Variants in SYT1 observed in about 807,000 individuals in gnomAD.
The protein encoded by SYT1 is synaptotagmin-1.
Under a neutral mutation model 44.8 loss-of-function variants are expected in SYT1, and 8 were observed. That is an observed-to-expected ratio of 0.18 (90% CI 0.10 to 0.32). SYT1 has a LOEUF of 0.32. Among genes scored for constraint, SYT1 ranks in the 10% least tolerant of loss-of-function variants. SYT1 has a pLI of 1.00. For missense variants in SYT1, 286 were observed against 509.3 expected (o/e 0.56, Z 4.22); for synonymous variants, 154 against 188.8 (o/e 0.82, Z 1.51).
chr12:79,160,103 A>G (rs1870856888), intron 3 of SYT1, among the ~76,000 whole-genome samples: 1 of 152,150 alleles, frequency 6.6e-6, no homozygotes, highest in South Asian at 2.1e-4. Context: ...TATTTAGAAA[A>G]TAGAACTATT....
At chr12:79,163,679 C>T (rs1871085107) in intron 3 of SYT1, among the ~76,000 whole-genome samples, 1 of 152,016 alleles carries the variant, frequency 6.6e-6, no homozygotes, top group African/African-American at 2.4e-5. Context: ...GTCAGCTGAC[C>T]CTTCCTTTGG....
chr12:79,369,987 T>C (rs1288957423), intron 9 of SYT1, among the ~76,000 whole-genome samples: 1 of 152,224 alleles, frequency 6.6e-6, no homozygotes, highest in Non-Finnish European at 1.5e-5. Flanking sequence ...GTGCTATTAA[T>C]ATGGGTGGTT....
intron 1 of SYT1, among the ~76,000 whole-genome samples, chr12:78,893,370 T>G (rs1875159884): frequency 6.6e-6 from 1 of 151,820 alleles, no homozygotes. Context: ...ATTAAACTTG[T>G]CAAAAATTCA....
chr12:79,245,863 A>G (rs191767172), intron 4 of SYT1, among the ~76,000 whole-genome samples: 31 of 152,204 alleles, frequency 2.0e-4, no homozygotes, highest in African/African-American at 7.2e-4. Context: ...AAAAGAATAT[A>G]TAACAGTAGA....
chr12:79,139,543 A>C (rs1258755306), intron 3 of SYT1, among the ~76,000 whole-genome samples: 2 of 152,354 alleles, frequency 1.3e-5, no homozygotes, highest in South Asian at 2.1e-4. Flanking sequence ...CTTGAAAAAA[A>C]TACCCTATTA....
intron 9 of SYT1, among the ~76,000 whole-genome samples, chr12:79,397,772 G>T (rs1167373130): frequency 6.6e-6 from 1 of 152,160 alleles, no homozygotes; most frequent in Non-Finnish European, 1.5e-5. Flanking sequence ...ATGTGGGGAG[G>T]ATGTGATTCA....
At chr12:79,349,127 T>C (rs193050349) in intron 8 of SYT1, among the ~76,000 whole-genome samples, 1 of 100,714 alleles carries the variant, frequency 9.9e-6, no homozygotes, top group South Asian at 3.0e-4. Flanking sequence ...GGGAGGAAGG[T>C]AGGAAGGAAG....
chr12:79,339,293 A>G (rs1302984649), intron 8 of SYT1, among the ~76,000 whole-genome samples: 2 of 152,222 alleles, frequency 1.3e-5, no homozygotes, highest in Non-Finnish European at 2.9e-5. Flanking sequence ...CCAACAGTGT[A>G]AAAGTGTTCC....
intron 3 of SYT1, among the ~76,000 whole-genome samples, chr12:79,106,675 A>C (rs1878737430): frequency 1.3e-5 from 2 of 151,926 alleles, no homozygotes; most frequent in Non-Finnish European, 2.9e-5. Flanking sequence ...TCAGACCCAT[A>C]ATAGCTTCCT....
intron 3 of SYT1, among the ~76,000 whole-genome samples, chr12:79,146,097 C>G (rs569831849): frequency 3.9e-5 from 6 of 152,112 alleles, no homozygotes; most frequent in African/African-American, 1.4e-4. Flanking sequence ...GAGGGAAAAG[C>G]AAAAAGCTAA....
intron 2 of SYT1, among the ~76,000 whole-genome samples, chr12:78,996,892 T>C (rs1870414573): frequency 6.6e-6 from 1 of 152,208 alleles, no homozygotes; most frequent in African/African-American, 2.4e-5. Flanking sequence ...GGTCACTGTA[T>C]GAAGAATCTT....
intron 3 of SYT1, among the ~76,000 whole-genome samples, chr12:79,146,046 C>T (rs779849590): frequency 6.6e-5 from 10 of 152,118 alleles, no homozygotes; most frequent in Non-Finnish European, 1.3e-4. Context: ...CGTGAGCCAC[C>T]GCGCCCGGCC....
At chr12:79,255,126 A>G (rs987806476) in intron 4 of SYT1, among the ~76,000 whole-genome samples, 2 of 152,212 alleles carry the variant, frequency 1.3e-5, no homozygotes, top group African/African-American at 4.8e-5. Flanking sequence ...GGCTGCAGAG[A>G]AAGCTTTCAT....
intron 1 of SYT1, among the ~76,000 whole-genome samples, chr12:78,955,933 C>T (rs1281936801): frequency 6.6e-6 from 1 of 151,430 alleles, no homozygotes; most frequent in Non-Finnish European, 1.5e-5. Flanking sequence ...AGTTCAAACT[C>T]GTAGTTTAAT....
At chr12:79,137,652 A>G (rs1244278554) in intron 3 of SYT1, among the ~76,000 whole-genome samples, 1 of 152,240 alleles carries the variant, frequency 6.6e-6, no homozygotes, top group Admixed American at 6.5e-5. Context: ...TTAAACTATA[A>G]GTATAAAATA....
At chr12:79,087,854 A>G (rs12320983) in intron 3 of SYT1, among the ~76,000 whole-genome samples, 22,891 of 152,080 alleles carry the variant, frequency 0.15, 1,828 homozygotes, top group South Asian at 0.19. Flanking sequence ...TTTATATTTA[A>G]CACTTTCCTG....
At chr12:79,193,826 TTCCAC>T (rs1873276621) in intron 3 of SYT1, among the ~76,000 whole-genome samples, 1 of 152,230 alleles carries the variant, frequency 6.6e-6, no homozygotes, top group Admixed American at 6.5e-5. Context: ...CTTCATCAAA[TTCCAC>T]ATTTTTTATT....
At chr12:79,035,500 T>G (rs1281833871) in intron 2 of SYT1, among the ~76,000 whole-genome samples, 2 of 151,760 alleles carry the variant, frequency 1.3e-5, no homozygotes, top group Non-Finnish European at 3.0e-5. Context: ...CTCTAACTGT[T>G]GCAGCATCAG....
At chr12:79,259,357 C>G (rs952045643) in intron 4 of SYT1, among the ~76,000 whole-genome samples, 1 of 152,170 alleles carries the variant, frequency 6.6e-6, no homozygotes, top group Non-Finnish European at 1.5e-5. Flanking sequence ...TGTATTTCCT[C>G]TATATTGCAT....
Sources: allele counts gnomAD v4.1 joint callset (sites outside exome capture counted in the v4.1 genomes callset), GRCh38; gene constraint gnomAD v4.1.1; transcripts MANE v1.5; gene names NCBI Gene and HGNC (gene_info 2026-07-23, HGNC 2026-07-21).